DDAH1: variants seen among roughly 807,000 people sequenced by gnomAD.
DDAH1 encodes the protein dimethylarginine dimethylaminohydrolase 1, also known as N(G),N(G)-dimethylarginine dimethylaminohydrolase 1.
DDAH1 carries 19 observed loss-of-function variants against 28.8 expected under a neutral mutation model. The ratio of observed to expected loss-of-function variants is 0.66; its 90% CI spans 0.46 to 0.97. The LOEUF is 0.97. Ranked by LOEUF, DDAH1 falls within the 50% of genes least tolerant of loss-of-function variation. The pLI is 0.00. For missense variants in DDAH1, 326 were observed against 375.9 expected, an observed-to-expected ratio of 0.87 and a Z score of 1.10; for synonymous variants, 153 against 154.4, an observed-to-expected ratio of 0.99 and a Z score of 0.07.
intron 1 of DDAH1, among the ~76,000 whole-genome samples, chr1:85,371,162 C>T (rs1245177255): frequency 2.0e-5 from 3 of 152,166 alleles, no homozygotes; most frequent in East Asian, 1.9e-4. Context: ...AGCTACTTAA[C>T]GTACATTCAT....
intron 4 of DDAH1, among the ~76,000 whole-genome samples, chr1:85,343,191 A>AAAAGG (rs1270505212): frequency 2.0e-5 from 3 of 152,184 alleles, no homozygotes; most frequent in Admixed American, 2.0e-4. Flanking sequence ...TTGAAAGCCC[A>AAAAGG]AAAGGAAAAA....
At chr1:85,471,756 C>G (rs149949959) in intron 2 of DDAH1, among the ~76,000 whole-genome samples, 1 of 152,186 alleles carries the variant, frequency 6.6e-6, no homozygotes, top group Non-Finnish European at 1.5e-5. Context: ...AAAGTGCCCA[C>G]GACAGTGATA....
At chr1:85,408,145 A>G (rs1246470861) in intron 1 of DDAH1, among the ~76,000 whole-genome samples, 1 of 152,230 alleles carries the variant, frequency 6.6e-6, no homozygotes, top group East Asian at 1.9e-4. Context: ...CTTGTTTCCC[A>G]GTGGTGAACA....
upstream of DDAH1, chr1:85,465,343 G>T: frequency 2.2e-6 from 1 of 449,610 alleles, no homozygotes; most frequent in Non-Finnish European, 2.9e-6. Flanking sequence ...AGAGGCGGCC[G>T]GGGAAGCAGC....
chr1:85,560,159 C>CT (rs1213972922), intron 1 of DDAH1, among the ~76,000 whole-genome samples: 1 of 152,046 alleles, frequency 6.6e-6, no homozygotes, highest in Non-Finnish European at 1.5e-5. Context: ...GGAACAACAT[C>CT]TTTAACATGC....
chr1:85,438,111 A>G (rs988368519), intron 1 of DDAH1, among the ~76,000 whole-genome samples: 1 of 152,214 alleles, frequency 6.6e-6, no homozygotes, highest in Non-Finnish European at 1.5e-5. Context: ...TCTCACTTAT[A>G]TGTGGGAGCT....
chr1:85,386,354 C>A (rs1429403338), intron 1 of DDAH1, among the ~76,000 whole-genome samples: 1 of 152,226 alleles, frequency 6.6e-6, no homozygotes, highest in African/African-American at 2.4e-5. Flanking sequence ...ACTGGGTTAA[C>A]AGTCCGATTC....
At chr1:85,359,989 A>G (rs532352731) in intron 1 of DDAH1, among the ~76,000 whole-genome samples, 1 of 152,362 alleles carries the variant, frequency 6.6e-6, no homozygotes, top group South Asian at 2.1e-4. Context: ...AGGATAGTAA[A>G]GACATACAAT....
chr1:85,434,114 C>T lies in DDAH1; in HGVS notation c.303+30629G>A, dbSNP rs917693191. Among the ~76,000 whole-genome samples the T allele has an allele frequency of 2.0e-5, 3 of 152,180 alleles. No homozygotes were observed. In the East Asian group the frequency reaches 5.8e-4, roughly 29 times the overall value. Reference sequence around the variant, plus strand: ...GTTCCACTTACACTGTTTCCCTCACCCCCTATCCTAACAGCACATCTTAAA... The same window carrying T: ...GTTCCACTTACACTGTTTCCCTCACTCCCTATCCTAACAGCACATCTTAAA... On this transcript the variant is annotated intron_variant, in intron 1 of 5. Coordinates refer to ENST00000284031, the MANE Select transcript of DDAH1 (RefSeq NM_012137.4).
chr1:85,552,022 G>A (rs150721037), intron 1 of DDAH1, among the ~76,000 whole-genome samples: 75 of 152,290 alleles, frequency 4.9e-4, no homozygotes, highest in Non-Finnish European at 9.3e-4. Flanking sequence ...AAAGGGGTGC[G>A]AGAGGTGGGA....
intron 1 of DDAH1, among the ~76,000 whole-genome samples, chr1:85,543,257 T>C (rs11161635): frequency 0.18 from 26,941 of 152,204 alleles, 2,775 homozygotes; most frequent in Non-Finnish European, 0.24. Flanking sequence ...ACTATCTATA[T>C]ACATGTTCAA....
At chr1:85,350,555 C>G in intron 3 of DDAH1, 21 bp from the exon 4 acceptor site, 1 of 1,609,316 alleles carries the variant, frequency 6.2e-7, no homozygotes, top group East Asian at 2.2e-5. Flanking sequence ...AATAGAAAAA[C>G]AAGCAGTTTA....
chr1:85,464,766 C>T lies in DDAH1; in HGVS notation c.280G>A (p.Gly94Arg). The T allele has an allele frequency of 6.4e-7, 1 of 1,559,456 alleles. No individual in the cohort carries two copies. The highest frequency in any genetic ancestry group is 8.6e-7 in the Non-Finnish European group (1 of 1,157,720). The change falls in exon 1 of 6, where the codon GGG (glycine) becomes AGG (arginine). Residue 94 changes from glycine to arginine, a missense_variant. Gly to Arg is a moderately radical substitution (Grantham distance 125). Coordinates refer to ENST00000284031, the MANE Select transcript of DDAH1 (RefSeq NM_012137.4). The surrounding 1 kb of genome is among the most constrained non-coding windows in gnomAD (Gnocchi z 4.4). Reference sequence around the variant, plus strand: ...ACCTCCTTCCTCCGGCTCGGCGCCCCGGGTCGGGTGATGAGGGCCGTCTCC... The same window carrying T: ...ACCTCCTTCCTCCGGCTCGGCGCCCTGGGTCGGGTGATGAGGGCCGTCTCC... The part of the protein sequence containing the change: ...CEETALITRP[G>R]APSRRKEVDM...
At chr1:85,506,774 T>C (rs1275048526) in intron 1 of DDAH1, among the ~76,000 whole-genome samples, 1 of 152,148 alleles carries the variant, frequency 6.6e-6, no homozygotes, top group African/African-American at 2.4e-5. Context: ...TGACTACTGA[T>C]AAAGTGAAGC....
intron 2 of DDAH1, chr1:85,496,114 T>G: frequency 2.5e-6 from 1 of 396,998 alleles, no homozygotes; most frequent in Non-Finnish European, 3.4e-6. Context: ...TATAATTAAA[T>G]CAAATGTGTT....
At chr1:85,476,813 T>C (rs1655820270) in intron 2 of DDAH1, among the ~76,000 whole-genome samples, 2 of 152,184 alleles carry the variant, frequency 1.3e-5, no homozygotes, top group African/African-American at 4.8e-5. Flanking sequence ...AGTATTTCAA[T>C]AATATTTTCA....
At chr1:85,367,901 G>T (rs1650159282) in intron 1 of DDAH1, among the ~76,000 whole-genome samples, 1 of 152,082 alleles carries the variant, frequency 6.6e-6, no homozygotes, top group South Asian at 2.1e-4. Flanking sequence ...TAATATATAA[G>T]ATTTTTCATT....
At chr1:85,347,483 G>A (rs1159776049) in intron 4 of DDAH1, among the ~76,000 whole-genome samples, 1 of 152,086 alleles carries the variant, frequency 6.6e-6, no homozygotes, top group Non-Finnish European at 1.5e-5. Flanking sequence ...GGATGAAGCT[G>A]GAAACCATCA....
At chr1:85,483,270 T>G (rs761010640) in intron 2 of DDAH1, among the ~76,000 whole-genome samples, 18 of 121,034 alleles carry the variant, frequency 1.5e-4, no homozygotes, top group Non-Finnish European at 2.8e-4. Flanking sequence ...TTTTGTCCCC[T>G]TATTTTGACC....
Sources: gnomAD v4.1 joint callset for allele counts (sites outside exome capture counted in the v4.1 genomes callset) on GRCh38, gnomAD v4.1.1 for gene constraint, Gnocchi (gnomAD v3.1) non-coding constraint, MANE v1.5 for transcripts, NCBI Gene and HGNC (gene_info 2026-07-23, HGNC 2026-07-21) for gene names.